Variants in TGFBR3 observed in about 807,000 individuals in gnomAD.
TGFBR3 encodes transforming growth factor beta receptor 3.
A neutral mutation model predicts 87.9 loss-of-function variants in TGFBR3; 46 were observed. The observed-to-expected ratio is 0.52, with a 90% CI of 0.41 to 0.67. TGFBR3 has a LOEUF of 0.67. Among genes scored for constraint, TGFBR3 ranks in the 30% least tolerant of loss-of-function variants. The pLI is 0.00. For synonymous variants in TGFBR3, 381 were observed against 391.6 expected, an observed-to-expected ratio of 0.97 and a Z score of 0.32; for missense variants, 866 against 1,041.9, an observed-to-expected ratio of 0.83 and a Z score of 2.32.
intron 3 of TGFBR3, among the ~76,000 whole-genome samples, chr1:91,796,137 G>A (rs754540591): frequency 2.0e-5 from 3 of 152,098 alleles, no homozygotes; most frequent in African/African-American, 7.2e-5. Context: ...CCTGGAGAGC[G>A]AATACCTGAG....
In TGFBR3 at chr1:91,683,603, T is replaced by A. The variant is rs199503452; in HGVS notation, c.*136A>T. 1.2e-4 allele frequency: 91 copies of A among 741,676 alleles called. No homozygotes were observed. The East Asian group carries it at 2.4e-3, about 20-fold the overall frequency. 45.9% of individuals were successfully genotyped at this position (741,676 alleles called of 1,614,324 possible). A position where few individuals can be genotyped will look rare whatever the true frequency, so the allele number is the denominator to read the frequency against. ...ACAACGGGTGATCTTTATACTGAAA[T>A]TCACTCTGTCTTTACAAGGGAACCA... On this transcript the variant is annotated 3_prime_UTR_variant, in exon 17 of 17. Coordinates refer to ENST00000212355, the MANE Select transcript of TGFBR3 (RefSeq NM_003243.5).
chr1:91,722,693 G>C (rs1395746416), intron 7 of TGFBR3, among the ~76,000 whole-genome samples: 1 of 152,152 alleles, frequency 6.6e-6, no homozygotes, highest in East Asian at 1.9e-4. Context: ...GAGCATCATA[G>C]AGTGCACTTA....
intron 3 of TGFBR3, among the ~76,000 whole-genome samples, chr1:91,766,198 C>CTTTTTTTTTTTTT (rs749978314): frequency 8.7e-6 from 1 of 114,458 alleles, no homozygotes; most frequent in Non-Finnish European, 1.7e-5. Flanking sequence ...AGTTTGTTTT[C>CTTTTTTTTTTTTT]TTTTTTTTTT....
At chr1:91,845,886 C>T (rs1448994147) in intron 2 of TGFBR3, among the ~76,000 whole-genome samples, 1 of 152,158 alleles carries the variant, frequency 6.6e-6, no homozygotes, top group Non-Finnish European at 1.5e-5. Context: ...ACACTTAAAA[C>T]CTGAATTGTT....
chr1:91,779,750 G>A lies in TGFBR3; in HGVS notation c.246+17537C>T, dbSNP rs1674697488. ...GAGCATGGAACTCAAACTAATGTGA[G>A]TGTGTGCTCATTTCCCATACTGCTG... On this transcript the variant is annotated intron_variant, in intron 3 of 16. Coordinates refer to ENST00000212355, the MANE Select transcript of TGFBR3 (RefSeq NM_003243.5). Among the ~76,000 whole-genome samples the A allele has an allele frequency of 2.6e-5, 4 of 152,246 alleles. No individual in the cohort carries two copies. In the South Asian group the frequency reaches 8.3e-4, roughly 32 times the overall value.
chr1:91,822,293 TAAAA>T (rs71087974), intron 2 of TGFBR3, among the ~76,000 whole-genome samples: 38,096 of 93,730 alleles, frequency 0.41, 6,750 homozygotes, highest in Admixed American at 0.46. Context: ...AGCAAAGCAT[TAAAA>T]AAAAAAAAAA....
chr1:91,683,870 A>T lies in TGFBR3; in HGVS notation c.2438-13T>A, dbSNP rs1382403512. On this transcript the variant is annotated splice_polypyrimidine_tract_variant and intron_variant, in intron 16 of 16. Transcript: ENST00000212355. Reference sequence around the variant, plus strand: ...CCTGCTGTCTCCCCTGCAGTTAATAAAGAAAAGGCAGAGTCAGAGAAAGAC... The same window carrying T: ...CCTGCTGTCTCCCCTGCAGTTAATATAGAAAAGGCAGAGTCAGAGAAAGAC... The T allele has an allele frequency of 6.3e-7, 1 of 1,583,150 alleles. No individual in the cohort carries two copies. The highest frequency in any genetic ancestry group is 1.3e-5 in the African/African-American group (1 of 74,380).
At chr1:91,884,137 T>C (rs1382027050) in intron 1 of TGFBR3, among the ~76,000 whole-genome samples, 1 of 152,004 alleles carries the variant, frequency 6.6e-6, no homozygotes, top group African/African-American at 2.4e-5. Context: ...CTGGCCAACA[T>C]GGTGAAACGC....
intron 1 of TGFBR3, among the ~76,000 whole-genome samples, chr1:91,903,372 A>T (rs1047485051): frequency 4.3e-5 from 6 of 140,718 alleles, no homozygotes; most frequent in African/African-American, 1.3e-4. Flanking sequence ...AAAAATTGCC[A>T]GTCTGGACCT....
intron 2 of TGFBR3, among the ~76,000 whole-genome samples, chr1:91,815,596 G>A (rs1371722405): frequency 1.3e-5 from 2 of 152,160 alleles, no homozygotes; most frequent in African/African-American, 2.4e-5. Context: ...GACCTAGAAG[G>A]CCTGGGTTCC....
intron 3 of TGFBR3, among the ~76,000 whole-genome samples, chr1:91,776,148 G>A (rs905721962): frequency 3.9e-5 from 6 of 152,258 alleles, no homozygotes; most frequent in South Asian, 2.1e-4. Flanking sequence ...AAGTCAACAC[G>A]CAACACTGGG....
chr1:91,823,349 A>C (rs1676519828), intron 2 of TGFBR3, among the ~76,000 whole-genome samples: 1 of 152,230 alleles, frequency 6.6e-6, no homozygotes, highest in Non-Finnish European at 1.5e-5. Flanking sequence ...GTTACATACA[A>C]CTCAGCAATT....
At chr1:91,887,126 T>C (rs1202626436), upstream of TGFBR3, among the ~76,000 whole-genome samples, 5 of 151,890 alleles carry the variant, frequency 3.3e-5, no homozygotes, top group African/African-American at 1.2e-4. Context: ...TCCTGACTAC[T>C]GTGCGACCTT....
In TGFBR3 at chr1:91,716,801, G is replaced by A. The variant is rs948347330; in HGVS notation, c.1567-93C>T. On this transcript the variant is annotated intron_variant, in intron 10 of 16. Coordinates refer to ENST00000212355, the MANE Select transcript of TGFBR3 (RefSeq NM_003243.5). ...ACACAAACACTCATGTAATCATTCTGATGCAAATTGAAAATCTGACTTTAA... is the reference window on the plus strand; with the variant it reads ...ACACAAACACTCATGTAATCATTCTAATGCAAATTGAAAATCTGACTTTAA... 1.4e-5 allele frequency: 20 copies of A among 1,475,360 alleles called. No homozygotes were observed. In the Admixed American group the frequency reaches 1.9e-4, roughly 14 times the overall value. 91.4% of individuals were successfully genotyped at this position (1,475,360 alleles called of 1,614,324 possible).
intron 1 of TGFBR3, among the ~76,000 whole-genome samples, chr1:91,879,142 G>A (rs1002546566): frequency 2.6e-5 from 4 of 151,904 alleles, no homozygotes; most frequent in African/African-American, 7.3e-5. Flanking sequence ...GGTGGCCCCC[G>A]CCTGTAATCC....
intron 2 of TGFBR3, among the ~76,000 whole-genome samples, chr1:91,819,718 G>A (rs954041191): frequency 2.6e-5 from 4 of 152,178 alleles, no homozygotes; most frequent in Non-Finnish European, 5.9e-5. Flanking sequence ...TCCAGTGACA[G>A]GTTCAGAGGC....
intron 2 of TGFBR3, chr1:91,801,099 A>AG (rs1553168449): frequency 0.089 from 15,483 of 173,922 alleles, 1,149 homozygotes; most frequent in East Asian, 0.43. Context: ...AAAAAAAAAA[A>AG]AGAGAGAGAG....
chr1:91,748,527 T>A (rs1057126704), intron 4 of TGFBR3, among the ~76,000 whole-genome samples: 1 of 152,178 alleles, frequency 6.6e-6, no homozygotes, highest in Non-Finnish European at 1.5e-5. Context: ...TAAAACACTT[T>A]GCTGAAACAA....
chr1:91,690,035 G>A (rs1671217012), intron 16 of TGFBR3, among the ~76,000 whole-genome samples: 1 of 152,036 alleles, frequency 6.6e-6, no homozygotes, highest in East Asian at 1.9e-4. Flanking sequence ...AGCTGGTGAG[G>A]AAATGGGTGA....
Sources: allele counts gnomAD v4.1 joint callset (sites outside exome capture counted in the v4.1 genomes callset), GRCh38; gene constraint gnomAD v4.1.1; transcripts MANE v1.5; gene names NCBI Gene and HGNC (gene_info 2026-07-23, HGNC 2026-07-21).